Variants in TMPO observed in about 807,000 individuals in gnomAD.
TMPO encodes LEM domain containing 4.
TMPO carries 22 observed loss-of-function variants against 45.4 expected under a neutral mutation model. The ratio of observed to expected loss-of-function variants is 0.48; its 90% CI spans 0.35 to 0.69. The LOEUF is 0.69. Ranked by LOEUF, TMPO falls within the 30% of genes least tolerant of loss-of-function variation. The pLI is 0.01. For missense variants in TMPO, 512 were observed against 548.8 expected (o/e 0.93, Z 0.67); for synonymous variants, 241 against 204.1 (o/e 1.18, Z -1.54).
rs1878385130 is a variant in TMPO at position 98,549,066 on chromosome 12, A to G, written c.*1208A>G. 1 of 152,268 alleles carries G rather than the reference A, an allele frequency of 6.6e-6. No individual in the cohort carries two copies. The highest frequency in any genetic ancestry group is 1.5e-5 in the Non-Finnish European group (1 of 68,108). The allele number at this position is 152,268 out of a possible 1,614,324, so 9.4% of individuals were successfully genotyped here. On this transcript the variant is annotated 3_prime_UTR_variant, in exon 9 of 9. Coordinates refer to ENST00000556029, the MANE Select transcript of TMPO (RefSeq NM_001032283.3). Reference sequence around the variant, plus strand: ...AACCCAGGAGGCAGAGGTTGCAGTGAGCAGAGATTACGTCACTGCACTGTA... The same window carrying G: ...AACCCAGGAGGCAGAGGTTGCAGTGGGCAGAGATTACGTCACTGCACTGTA...
intron 4 of TMPO, among the ~76,000 whole-genome samples, chr12:98,538,645 G>A (rs988324749): frequency 1.1e-4 from 16 of 152,090 alleles, no homozygotes; most frequent in African/African-American, 2.7e-4. Flanking sequence ...GAGCCACCGC[G>A]CCCAGCCTGT....
intron 3 of TMPO, chr12:98,532,774 G>A (rs1877285306): frequency 1.2e-6 from 2 of 1,613,696 alleles, no homozygotes; most frequent in African/African-American, 1.3e-5. Context: ...AATAAAATCA[G>A]CTCAAACACA....
chr12:98,528,707 C>T (rs550552356), intron 2 of TMPO, among the ~76,000 whole-genome samples: 2 of 152,118 alleles, frequency 1.3e-5, no homozygotes, highest in East Asian at 3.9e-4. Flanking sequence ...ACCTGTAATC[C>T]CAACACTTTG....
At chr12:98,535,717 C>G (rs757265160) in intron 3 of TMPO, 115 of 933,456 alleles carry the variant, frequency 1.2e-4, no homozygotes, top group Non-Finnish European at 1.4e-4. Context: ...ATGAACACCC[C>G]TTTTCCATTT....
chr12:98,544,834 A>C, intron 6 of TMPO, 117 bp from the exon 7 acceptor site: 1 of 880,864 alleles, frequency 1.1e-6, no homozygotes, highest in Non-Finnish European at 1.9e-6. Context: ...TGTGTTGCTT[A>C]AATCTTTACT....
Position 98,547,903 on chromosome 12 carries a change from A to T in TMPO, c.*45A>T, listed in dbSNP as rs781146184. On this transcript the variant is annotated 3_prime_UTR_variant, in exon 9 of 9. Coordinates refer to ENST00000556029, the MANE Select transcript of TMPO (RefSeq NM_001032283.3). ...TTCAACTTGGTCTCCTATTTTCAAT[A>T]ACTGTTGAAAAACATTTGTGTACAC... 6.2e-7 allele frequency: 1 copy of T among 1,601,334 alleles called. No individual in the cohort carries two copies. Among genetic ancestry groups the T allele is most frequent in the Non-Finnish European group, 8.5e-7 (1 of 1,171,148 alleles).
chr12:98,516,278 T>TC (rs1382669264), intron 1 of TMPO, 132 bp downstream of exon 1: 2 of 1,246,984 alleles, frequency 1.6e-6, no homozygotes, highest in African/African-American at 3.1e-5. Context: ...CTGCGCCCCC[T>TC]CGCGTCGCCC....
chr12:98,525,760 T>G (rs531473049), intron 1 of TMPO, among the ~76,000 whole-genome samples: 31 of 151,826 alleles, frequency 2.0e-4, no homozygotes, highest in South Asian at 1.5e-3. Flanking sequence ...AAAAAAAGAT[T>G]TGATTTGAGC....
intron 3 of TMPO, 103 bp downstream of exon 3, chr12:98,531,941 A>G: frequency 3.2e-6 from 3 of 937,488 alleles, no homozygotes; most frequent in Middle Eastern, 5.1e-4. Flanking sequence ...GGCAAGATAC[A>G]CAAATTTTAT....
intron 3 of TMPO, among the ~76,000 whole-genome samples, chr12:98,536,648 G>GC (rs1157287464): frequency 2.0e-5 from 3 of 152,188 alleles, no homozygotes; most frequent in Non-Finnish European, 4.4e-5. Flanking sequence ...ACCATGCCCT[G>GC]CCAGGGATGT....
At position 98,534,332 on chromosome 12, in the gene TMPO, A is replaced by G. The variant is rs1300565394; in HGVS notation, c.565+2494A>G. 1 of 1,612,232 alleles carries G rather than the reference A, an allele frequency of 6.2e-7. No homozygotes were observed. The highest frequency in any genetic ancestry group is 1.3e-5 in the African/African-American group (1 of 74,946). On this transcript the variant is annotated intron_variant, in intron 3 of 8. Coordinates refer to ENST00000556029, the MANE Select transcript of TMPO (RefSeq NM_001032283.3). ...TGCAAAGTAATTAAAAAGCGTGGAA[A>G]TAAACACTAGTAAAATTAAGGACAA...
Position 98,537,467 on chromosome 12 carries a change from A to G in TMPO, c.566-8A>G. 1 of 1,605,380 alleles carries G rather than the reference A, an allele frequency of 6.2e-7. No individual in the cohort carries two copies. The highest frequency in any genetic ancestry group is 1.7e-5 in the Admixed American group (1 of 59,950). Reference sequence around the variant, plus strand: ...AGAGAGTAATGGTTTCTCCAATGTTATTTCCAGACTCTAAAATAGAGCTCA... The same window carrying G: ...AGAGAGTAATGGTTTCTCCAATGTTGTTTCCAGACTCTAAAATAGAGCTCA... On this transcript the variant is annotated splice_polypyrimidine_tract_variant and splice_region_variant and intron_variant, in intron 3 of 8. Coordinates refer to ENST00000556029, the MANE Select transcript of TMPO (RefSeq NM_001032283.3).
intron 4 of TMPO, 89 bp from the exon 5 acceptor site, chr12:98,544,141 A>G (rs1358475823): frequency 1.6e-5 from 23 of 1,461,258 alleles, no homozygotes; most frequent in Non-Finnish European, 1.8e-5. Flanking sequence ...GGAGACTTCT[A>G]TTTCATGGCT....
At chr12:98,539,471 C>CCTTT in intron 4 of TMPO, among the ~76,000 whole-genome samples, 1 of 123,470 alleles carries the variant, frequency 8.1e-6, no homozygotes, top group Admixed American at 8.3e-5. Flanking sequence ...TTTTAAATTA[C>CCTTT]TTTTTTTTTT....
intron 3 of TMPO, chr12:98,533,094 A>C (rs1877309718): frequency 6.2e-7 from 1 of 1,613,964 alleles, no homozygotes; most frequent in Admixed American, 1.7e-5. Context: ...TGTTTATTTC[A>C]TGCAAGTCTA....
intron 1 of TMPO, chr12:98,516,613 C>G (rs1263385722): frequency 2.2e-6 from 2 of 919,438 alleles, no homozygotes; most frequent in East Asian, 1.1e-4. Flanking sequence ...ACTCTAATTT[C>G]TAACCAAAAT....
intron 4 of TMPO, among the ~76,000 whole-genome samples, chr12:98,543,631 C>G (rs1592955060): frequency 1.3e-5 from 2 of 152,254 alleles, no homozygotes; most frequent in South Asian, 4.1e-4. Context: ...CTTGCATATT[C>G]ATTAAAGAGT....
Position 98,515,696 on chromosome 12 carries a change from C to A in TMPO, c.-172C>A. 7.1e-7 allele frequency: 1 copy of A among 1,405,974 alleles called. No individual in the cohort carries two copies. Among genetic ancestry groups the A allele is most frequent in the Non-Finnish European group, 9.5e-7 (1 of 1,048,302 alleles). The allele number at this position is 1,405,974 out of a possible 1,614,324, so 87.1% of individuals were successfully genotyped here. On this transcript the variant is annotated 5_prime_UTR_variant, in exon 1 of 9. Transcript: ENST00000556029. ...GTTCGGCTCTGGGGTCTTTTGTGTC[C>A]GGGTCTGGCTTGGCTTTGTGTCCGC...
chr12:98,547,681 C>T lies in TMPO; in HGVS notation c.1188C>T (p.Pro396=). The change falls in exon 9 of 9, where the codon CCC becomes CCT. Residue 396 remains proline (P), a synonymous_variant. Coordinates refer to ENST00000556029, the MANE Select transcript of TMPO (RefSeq NM_001032283.3). ...FSSKYVPKYV[P]LADVKSEKTK... ...CTAAATATGTTCCTAAGTATGTTCC[C>T]TTGGCAGATGTCAAGTCAGAAAAGA... 6.2e-7 allele frequency: 1 copy of T among 1,614,172 alleles called. No individual in the cohort carries two copies. Among genetic ancestry groups the T allele is most frequent in the Admixed American group, 1.7e-5 (1 of 60,026 alleles).
Sources: gnomAD v4.1 joint callset for allele counts (sites outside exome capture counted in the v4.1 genomes callset) on GRCh38, gnomAD v4.1.1 for gene constraint, MANE v1.5 for transcripts, NCBI Gene and HGNC (gene_info 2026-07-23, HGNC 2026-07-21) for gene names.